The following TMPRSS11D variants were observed in gnomAD, a reference collection of about 807,000 sequenced individuals.
The protein encoded by TMPRSS11D is transmembrane serine protease 11D.
A neutral mutation model predicts 44.4 loss-of-function variants in TMPRSS11D; 32 were observed. That is an observed-to-expected ratio of 0.72 (90% confidence interval 0.54 to 0.97). TMPRSS11D has a LOEUF of 0.97. TMPRSS11D is among the 50% of genes least tolerant of loss of function. The pLI is 0.00. For missense variants in TMPRSS11D, 446 were observed against 502.6 expected, an observed-to-expected ratio of 0.89 and a Z score of 1.08; for synonymous variants, 179 against 177.9, an observed-to-expected ratio of 1.01 and a Z score of -0.05.
At chr4:67,841,397 A>G (rs1718226940) in intron 4 of TMPRSS11D, among the ~76,000 whole-genome samples, 1 of 152,190 alleles carries the variant, frequency 6.6e-6, no homozygotes, top group African/African-American at 2.4e-5. Flanking sequence ...GGCCATGCAA[A>G]CCAAGGGATA....
chr4:67,830,171 T>C (rs1290536366), intron 7 of TMPRSS11D, among the ~76,000 whole-genome samples: 1 of 152,050 alleles, frequency 6.6e-6, no homozygotes, highest in Non-Finnish European at 1.5e-5. Flanking sequence ...TTTTACACAA[T>C]GCTACTTATT....
chr4:67,860,146 T>A (rs1718761772), intron 1 of TMPRSS11D, among the ~76,000 whole-genome samples: 1 of 151,864 alleles, frequency 6.6e-6, no homozygotes, highest in South Asian at 2.1e-4. Flanking sequence ...GGTGGGGTGG[T>A]GAGGGGGTCA....
intron 1 of TMPRSS11D, among the ~76,000 whole-genome samples, chr4:67,867,535 A>G (rs954994159): frequency 1.3e-5 from 2 of 152,204 alleles, no homozygotes; most frequent in African/African-American, 4.8e-5. Context: ...CAGCAGAGTG[A>G]ACAGACAACC....
chr4:67,868,095 AAT>A (rs923681603), intron 1 of TMPRSS11D, among the ~76,000 whole-genome samples: 2 of 150,794 alleles, frequency 1.3e-5, no homozygotes, highest in Admixed American at 6.6e-5. Flanking sequence ...TAGATAGAGA[AAT>A]ATATATATAT....
chr4:67,825,635 T>C, intron 9 of TMPRSS11D, 97 bp downstream of exon 9: 1 of 1,339,492 alleles, frequency 7.5e-7, no homozygotes, highest in Non-Finnish European at 1.0e-6. Flanking sequence ...GGCTGTGTAT[T>C]GTAACTGTTA....
chr4:67,852,154 T>C (rs1216607713), intron 3 of TMPRSS11D, among the ~76,000 whole-genome samples: 4 of 152,210 alleles, frequency 2.6e-5, no homozygotes, highest in Admixed American at 1.3e-4. Flanking sequence ...CCAGAGACAC[T>C]CCCTGCATGC....
chr4:67,879,264 G>A (rs1391522318), intron 1 of TMPRSS11D, among the ~76,000 whole-genome samples: 3 of 151,886 alleles, frequency 2.0e-5, no homozygotes, highest in Non-Finnish European at 4.4e-5. Context: ...GGCGGATCAC[G>A]AGGTCAGGAG....
chr4:67,835,917 T>C (rs1233336030), intron 5 of TMPRSS11D, among the ~76,000 whole-genome samples: 1 of 152,098 alleles, frequency 6.6e-6, no homozygotes, highest in African/African-American at 2.4e-5. Context: ...AATATGTCAG[T>C]ATCAGAGGGT....
At chr4:67,857,689 C>A (rs1718688178) in intron 2 of TMPRSS11D, among the ~76,000 whole-genome samples, 1 of 152,030 alleles carries the variant, frequency 6.6e-6, no homozygotes, top group African/African-American at 2.4e-5. Context: ...AGTAGAATGA[C>A]AGATACTAGA....
intron 1 of TMPRSS11D, among the ~76,000 whole-genome samples, chr4:67,875,764 A>T (rs569635863): frequency 6.6e-6 from 1 of 152,362 alleles, no homozygotes; most frequent in African/African-American, 2.4e-5. Flanking sequence ...GAGTCCAGTG[A>T]ATTAAAAACT....
At chr4:67,871,103 G>A (rs1327036697) in intron 1 of TMPRSS11D, among the ~76,000 whole-genome samples, 1 of 152,132 alleles carries the variant, frequency 6.6e-6, no homozygotes, top group Non-Finnish European at 1.5e-5. Context: ...GCATTGGCTA[G>A]GAGCAGGAAT....
intron 1 of TMPRSS11D, among the ~76,000 whole-genome samples, chr4:67,875,203 C>T (rs1719156429): frequency 6.6e-6 from 1 of 152,116 alleles, no homozygotes; most frequent in Non-Finnish European, 1.5e-5. Context: ...ATGTGTTCCT[C>T]AGAGCTTACG....
At chr4:67,836,322 C>T (rs551305351) in intron 5 of TMPRSS11D, among the ~76,000 whole-genome samples, 1 of 152,150 alleles carries the variant, frequency 6.6e-6, no homozygotes, top group African/African-American at 2.4e-5. Flanking sequence ...TATGTTAGCT[C>T]ATATCCTTCC....
At chr4:67,875,839 A>G (rs1560551021) in intron 1 of TMPRSS11D, among the ~76,000 whole-genome samples, 1 of 152,192 alleles carries the variant, frequency 6.6e-6, no homozygotes, top group Non-Finnish European at 1.5e-5. Context: ...AATCAAATAA[A>G]TGAAAGCAAG....
chr4:67,829,447 TAA>T (rs11322109), intron 7 of TMPRSS11D, among the ~76,000 whole-genome samples: 2 of 11,142 alleles, frequency 1.8e-4, no homozygotes, highest in African/African-American at 2.0e-4. Flanking sequence ...ACAGTAGCGT[TAA>T]AAAAAAAAAA....
intron 1 of TMPRSS11D, among the ~76,000 whole-genome samples, chr4:67,879,438 C>T (rs2051398722): frequency 6.8e-6 from 1 of 146,578 alleles, no homozygotes; most frequent in Non-Finnish European, 1.5e-5. Flanking sequence ...GGCCACTGCA[C>T]TCCAGCCTGG....
chr4:67,851,159 T>G lies in TMPRSS11D; in HGVS notation c.249+2909A>C, dbSNP rs573625083. ...TCACCTCCCTACTACTGTATGTGTC[T>G]GGGAGGATGCACTGGTTTTAATGGA... On this transcript the variant is annotated intron_variant, in intron 3 of 9. Coordinates refer to ENST00000283916, the MANE Select transcript of TMPRSS11D (RefSeq NM_004262.3). Among the ~76,000 whole-genome samples, 17 of 152,336 alleles carry G rather than the reference T, an allele frequency of 1.1e-4. No homozygotes were observed. The South Asian group carries it at 3.5e-3, about 32-fold the overall frequency.
At chr4:67,859,507 A>C (rs1718742664) in intron 2 of TMPRSS11D, 50 bp downstream of exon 2, 1 of 1,569,386 alleles carries the variant, frequency 6.4e-7, no homozygotes, top group Admixed American at 1.8e-5. Context: ...TTAAATCTGA[A>C]ATTGTATGTA....
chr4:67,827,132 C>A, intron 8 of TMPRSS11D, 129 bp downstream of exon 8: 1 of 1,246,118 alleles, frequency 8.0e-7, no homozygotes, highest in Admixed American at 2.8e-5. Flanking sequence ...TTGGGCTGAG[C>A]AGAATATAGA....
Sources: gnomAD v4.1 joint callset for allele counts (sites outside exome capture counted in the v4.1 genomes callset) on GRCh38, gnomAD v4.1.1 for gene constraint, MANE v1.5 for transcripts, NCBI Gene and HGNC (gene_info 2026-07-23, HGNC 2026-07-21) for gene names.